Variants in RBFOX3 observed in about 807,000 individuals in gnomAD.
The protein encoded by RBFOX3 is RNA binding fox-1 homolog 3.
In RBFOX3, 17 loss-of-function variants were observed where a neutral mutation model predicts 48.7. That is an observed-to-expected ratio of 0.35 (90% CI 0.24 to 0.52). The LOEUF is 0.52. Among genes scored for constraint, RBFOX3 ranks in the 20% least tolerant of loss-of-function variants. The probability of loss-of-function intolerance (pLI) is 0.94; values close to 1 mark genes in which losing one functional copy is unlikely to be tolerated. For missense variants in RBFOX3, 382 were observed against 497.5 expected, an observed-to-expected ratio of 0.77 and a Z score of 2.21; for synonymous variants, 212 against 209.5, an observed-to-expected ratio of 1.01 and a Z score of -0.10.
intron 1 of RBFOX3, among the ~76,000 whole-genome samples, chr17:79,525,897 C>T (rs1247129465): frequency 3.3e-5 from 5 of 152,294 alleles, no homozygotes; most frequent in Middle Eastern, 3.4e-3. Context: ...CTACAGCCTG[C>T]GAGGAAAGCC....
chr17:79,403,999 T>G (rs545815123), intron 2 of RBFOX3, among the ~76,000 whole-genome samples: 1 of 152,090 alleles, frequency 6.6e-6, no homozygotes. Context: ...AGGATGGTCT[T>G]GATCTCCTGA....
intron 3 of RBFOX3, among the ~76,000 whole-genome samples, chr17:79,268,039 C>T (rs2067011891): frequency 6.6e-6 from 1 of 152,238 alleles, no homozygotes; most frequent in Non-Finnish European, 1.5e-5. Flanking sequence ...AAATTTTCCC[C>T]TTCTCCAGGG....
chr17:79,175,820 G>A (rs1445393954), intron 4 of RBFOX3, among the ~76,000 whole-genome samples: 1 of 152,260 alleles, frequency 6.6e-6, no homozygotes, highest in South Asian at 2.1e-4. Flanking sequence ...AGCCTCTGCA[G>A]CCCCAAAAGC....
chr17:79,429,373 C>T (rs553300156), intron 2 of RBFOX3, among the ~76,000 whole-genome samples: 16 of 152,310 alleles, frequency 1.1e-4, no homozygotes, highest in South Asian at 8.3e-4. Context: ...GAAGAAGAAA[C>T]GCTTGAAGTC....
chr17:79,410,321 C>T (rs895187259), intron 2 of RBFOX3, among the ~76,000 whole-genome samples: 1 of 152,222 alleles, frequency 6.6e-6, no homozygotes, highest in Non-Finnish European at 1.5e-5. Context: ...GGCTGGTTCT[C>T]GTCTCCGTGC....
chr17:79,155,874 A>C (rs1231285587), intron 4 of RBFOX3, among the ~76,000 whole-genome samples: 2 of 151,916 alleles, frequency 1.3e-5, no homozygotes, highest in Admixed American at 6.6e-5. Flanking sequence ...TCCCACCCGC[A>C]CCTCTCCTCT....
In RBFOX3 at chr17:79,602,833, G is replaced by A. The variant is rs1389470213; in HGVS notation, c.-320+7993C>T. Among the ~76,000 whole-genome samples the A allele has an allele frequency of 2.6e-5, 4 of 152,254 alleles. No individual in the cohort carries two copies. The South Asian group carries it at 8.3e-4, about 32-fold the overall frequency. On this transcript the variant is annotated intron_variant, in intron 1 of 14. Transcript: ENST00000693108. ...TATAGGCTCAGAGGAGCCCGGGAAG[G>A]GCTGGGGGAGGGAGGCCATGATCCT...
chr17:79,534,531 G>C (rs1555788262), intron 1 of RBFOX3, among the ~76,000 whole-genome samples: 1 of 152,212 alleles, frequency 6.6e-6, no homozygotes, highest in African/African-American at 2.4e-5. Flanking sequence ...ACGCTCCCCA[G>C]GTCCTGGAGG....
intron 5 of RBFOX3, among the ~76,000 whole-genome samples, chr17:79,107,649 C>T (rs2077649406): frequency 1.3e-5 from 2 of 152,372 alleles, no homozygotes; most frequent in East Asian, 1.9e-4. Context: ...GTGGCAGGTG[C>T]TTCATCAGCA....
At position 79,101,569 on chromosome 17, in the gene RBFOX3, G is replaced by T. The variant is rs749459956; in HGVS notation, c.568+15C>A. 7 of 1,549,604 alleles carry T rather than the reference G, an allele frequency of 4.5e-6. No homozygotes were observed. The African/African-American group carries it at 8.2e-5, about 18-fold the overall frequency. ...AGTGACCCCAGCAGCCTTGTGGGGG[G>T]ACCCAGCCCCTTACCGTTGGTGTAG... is the stretch of plus-strand genomic sequence containing the variant. On this transcript the variant is annotated intron_variant, in intron 9 of 14. Transcript: ENST00000693108.
chr17:79,183,724 CGCGCGTGTGT>C (rs1184593671), intron 4 of RBFOX3, among the ~76,000 whole-genome samples: 13 of 152,106 alleles, frequency 8.5e-5, no homozygotes, highest in Middle Eastern at 3.4e-3. Flanking sequence ...CGCGCGTGTG[CGCGCGTGTGT>C]AGCGGTGGGA....
chr17:79,323,479 G>GC (rs2078848735), intron 2 of RBFOX3, among the ~76,000 whole-genome samples: 1 of 152,180 alleles, frequency 6.6e-6, no homozygotes, highest in Non-Finnish European at 1.5e-5. Context: ...GAGTTTTTAA[G>GC]CCCCACCTTG....
chr17:79,466,104 G>A (rs2090779011), intron 2 of RBFOX3, among the ~76,000 whole-genome samples: 1 of 152,188 alleles, frequency 6.6e-6, no homozygotes, highest in African/African-American at 2.4e-5. Context: ...CCAAGCCAAG[G>A]TCCCAGACCC....
At chr17:79,582,151 C>T (rs969480202) in intron 1 of RBFOX3, among the ~76,000 whole-genome samples, 1 of 148,108 alleles carries the variant, frequency 6.8e-6, no homozygotes, top group African/African-American at 2.5e-5. Context: ...TGTGCCTGCC[C>T]GTGTATGTGC....
Position 79,204,278 on chromosome 17 carries a change from G to A in RBFOX3, c.-34+31488C>T, listed in dbSNP as rs757007369. ...CAGTGGATACACACCAGTGGACGCC[G>A]GGGAGCGGACACACACCAGCGGGCG... On this transcript the variant is annotated intron_variant, in intron 4 of 14. Coordinates refer to ENST00000693108, the MANE Select transcript of RBFOX3 (RefSeq NM_001350451.2). The surrounding 1 kb of genome is among the most constrained non-coding windows in gnomAD (Gnocchi z 4.5). Among the ~76,000 whole-genome samples the A allele has an allele frequency of 1.1e-4, 17 of 152,042 alleles. No homozygotes were observed. The highest frequency in any genetic ancestry group is 5.9e-5 in the Non-Finnish European group (4 of 67,996).
chr17:79,489,240 T>TAAAAAAA (rs71161671), intron 1 of RBFOX3, among the ~76,000 whole-genome samples: 2 of 126,508 alleles, frequency 1.6e-5, no homozygotes, highest in African/African-American at 3.0e-5. Context: ...GCCAGAAAGT[T>TAAAAAAA]AAAAAAAAAA....
chr17:79,571,997 G>A (rs1453180528), intron 1 of RBFOX3, among the ~76,000 whole-genome samples: 1 of 152,212 alleles, frequency 6.6e-6, no homozygotes, highest in Admixed American at 6.5e-5. Context: ...GAGCCATCGG[G>A]TGCAGACACT....
At chr17:79,142,014 C>T (rs763446976) in intron 4 of RBFOX3, among the ~76,000 whole-genome samples, 4 of 152,282 alleles carry the variant, frequency 2.6e-5, no homozygotes, top group East Asian at 3.9e-4. Flanking sequence ...GATCCTTGCC[C>T]GCTGCCTCTG....
chr17:79,261,736 G>T (rs145418751), intron 3 of RBFOX3, among the ~76,000 whole-genome samples: 1 of 152,208 alleles, frequency 6.6e-6, no homozygotes. Context: ...CGCACTGGTC[G>T]CCACGGGGAC....
Sources: gnomAD v4.1 joint callset for allele counts (sites outside exome capture counted in the v4.1 genomes callset) on GRCh38, gnomAD v4.1.1 for gene constraint, Gnocchi (gnomAD v3.1) non-coding constraint, MANE v1.5 for transcripts, NCBI Gene and HGNC (gene_info 2026-07-23, HGNC 2026-07-21) for gene names.